ACLY: variants seen among roughly 807,000 people sequenced by gnomAD.
The protein encoded by ACLY is ATP citrate lyase, also known as ATP-citrate synthase.
In ACLY, 41 loss-of-function variants were observed where a neutral mutation model predicts 133.0. The observed-to-expected ratio is 0.31, with a 90% CI of 0.24 to 0.40. The LOEUF is 0.40. Ranked by LOEUF, ACLY falls within the 10% of genes least tolerant of loss-of-function variation. ACLY has a pLI of 1.00. For synonymous variants in ACLY, 495 were observed against 549.3 expected (o/e 0.90, Z 1.38); for missense variants, 1,046 against 1,453.8 (o/e 0.72, Z 4.56).
At chr17:41,923,583 C>T (rs2050207076), upstream of ACLY, among the ~76,000 whole-genome samples, 2 of 152,200 alleles carry the variant, frequency 1.3e-5, no homozygotes. Context: ...CTTTATCTGA[C>T]TGTAAGCAAC....
intron 23 of ACLY, among the ~76,000 whole-genome samples, chr17:41,873,408 T>C (rs1221376331): frequency 1.3e-5 from 2 of 152,192 alleles, no homozygotes; most frequent in Non-Finnish European, 2.9e-5. Flanking sequence ...CTTGAATTCC[T>C]GACCTCAGGT....
intron 4 of ACLY, 122 bp downstream of exon 4, chr17:41,910,100 G>A: frequency 9.9e-7 from 1 of 1,005,808 alleles, no homozygotes; most frequent in Non-Finnish European, 1.5e-6. Flanking sequence ...CCTCAGTGCA[G>A]CTTCAGGGAC....
chr17:41,887,097 C>A (rs2144281427), intron 17 of ACLY, among the ~76,000 whole-genome samples: 1 of 142,768 alleles, frequency 7.0e-6, no homozygotes, highest in East Asian at 2.1e-4. Flanking sequence ...GCACTCCAGC[C>A]TAGGTAACAG....
At chr17:41,908,582 T>C (rs567286666) in intron 6 of ACLY, among the ~76,000 whole-genome samples, 286 of 152,256 alleles carry the variant, frequency 1.9e-3, no homozygotes, top group Admixed American at 2.4e-3. Context: ...TTGGCCAACA[T>C]GGTGAAACCC....
chr17:41,880,670 C>G (rs2048888497), intron 20 of ACLY, among the ~76,000 whole-genome samples: 2 of 151,930 alleles, frequency 1.3e-5, no homozygotes, highest in Non-Finnish European at 2.9e-5. Context: ...TGAGACCATC[C>G]TAGCTAACGG....
rs117391233 is a variant in ACLY at position 41,882,015 on chromosome 17, C to T, written c.2265+1107G>A. Among the ~76,000 whole-genome samples, 962 of 152,226 alleles carry T rather than the reference C, an allele frequency of 6.3e-3. 6 individuals carry two copies. Among genetic ancestry groups the T allele is most frequent in the Non-Finnish European group, 0.01 (712 of 68,022 alleles). On this transcript the variant is annotated intron_variant, in intron 20 of 28. Transcript: ENST00000352035. ...TTCCACCTCCTTCTTTGCATGCCTG[C>T]CCTGTTTTCCATTAGTTTGTGGATA...
rs782387329 is a variant in ACLY at position 41,868,697 on chromosome 17, G to A, written c.3211+12C>T. 6.8e-6 allele frequency: 11 copies of A among 1,608,882 alleles called. No homozygotes were observed. Among genetic ancestry groups the A allele is most frequent in the South Asian group, 1.1e-5 (1 of 90,702 alleles). On this transcript the variant is annotated intron_variant, in intron 28 of 28. Coordinates refer to ENST00000352035, the MANE Select transcript of ACLY (RefSeq NM_001096.3). ...AAAAAAAAACACTTAAAACAACAAC[G>A]AATGGACTCACCAATGAACCCCATA...
At position 41,906,726 on chromosome 17, in the gene ACLY, T is replaced by TCCCTGGAAGCACATGAAAAGGTG. The variant is rs1399807949; in HGVS notation, c.748-103_748-81dup. 3.6e-5 allele frequency: 47 copies of TCCCTGGAAGCACATGAAAAGGTG among 1,288,198 alleles called. No homozygotes were observed. The East Asian group carries it at 1.0e-3, about 29-fold the overall frequency. 79.8% of individuals were successfully genotyped at this position (1,288,198 alleles called of 1,614,324 possible). A position where few individuals can be genotyped will look rare whatever the true frequency, so the allele number is the denominator to read the frequency against. ...CAGATCCTAGGACCCCTCCCCGCTT[T>TCCCTGGAAGCACATGAAAAGGTG]CCCTGGAAGCACATGAAAAGGTGCC... On this transcript the variant is annotated intron_variant, in intron 7 of 28. Coordinates refer to ENST00000352035, the MANE Select transcript of ACLY (RefSeq NM_001096.3).
intron 18 of ACLY, 122 bp from the exon 19 acceptor site, chr17:41,884,396 A>T: frequency 4.4e-6 from 3 of 679,866 alleles, no homozygotes; most frequent in East Asian, 5.2e-5. Context: ...GATGGCCAGT[A>T]AGGGTCCAGA....
chr17:41,897,645 T>C, intron 13 of ACLY, 104 bp downstream of exon 13: 1 of 1,119,618 alleles, frequency 8.9e-7, no homozygotes, highest in Non-Finnish European at 1.3e-6. Flanking sequence ...AAACCGCTGT[T>C]CATCTGCCTC....
chr17:41,901,642 G>C (rs782348382), intron 11 of ACLY, 54 bp downstream of exon 11: 44 of 1,467,272 alleles, frequency 3.0e-5, no homozygotes, highest in Non-Finnish European at 4.0e-5. Flanking sequence ...AAATCCCAAA[G>C]AGGAAGGCCA....
Position 41,918,894 on chromosome 17 carries a change from G to C in ACLY, c.-38C>G, listed in dbSNP as rs997282245. ...CCCGTGCTCACCTCTGCCGAAGTCC[G>C]TGCGCGGCGCTTCTTCCACAGGCCC... On this transcript the variant is annotated 5_prime_UTR_variant, in exon 1 of 29. Coordinates refer to ENST00000352035, the MANE Select transcript of ACLY (RefSeq NM_001096.3). 3 of 1,288,276 alleles carry C rather than the reference G, an allele frequency of 2.3e-6. No individual in the cohort carries two copies. In the Admixed American group the frequency reaches 6.9e-5, roughly 30 times the overall value. The allele number at this position is 1,288,276 out of a possible 1,614,324, so 79.8% of individuals were successfully genotyped here. A position where few individuals can be genotyped will look rare whatever the true frequency, so the allele number is the denominator to read the frequency against.
chr17:41,904,782 G>T lies in ACLY; in HGVS notation c.1012C>A (p.Leu338Ile). 6.2e-7 allele frequency: 1 copy of T among 1,613,940 alleles called. No homozygotes were observed. Among genetic ancestry groups the T allele is most frequent in the Non-Finnish European group, 8.5e-7 (1 of 1,179,866 alleles). ...TTTGCGATGCTGCCTCCAATGATGAGGATCTTGCCTGGATTTGGAGTAAGA... is the reference window on the plus strand; with the variant it reads ...TTTGCGATGCTGCCTCCAATGATGATGATCTTGCCTGGATTTGGAGTAAGA... ...TREKHPDGKI[L>I]IIGGSIANFT... The change falls in exon 10 of 29, where the codon CTC (leucine) becomes ATC (isoleucine). Residue 338 changes from leucine to isoleucine, a missense_variant. Physicochemically the swap from Leu to Ile is conservative, Grantham distance 5. This residue lies in a region of ACLY where 575 missense variants were observed against 804.2 expected (regional missense o/e 0.71). Transcript: ENST00000352035.
At chr17:41,918,981 G>A (rs1306074412), upstream of ACLY, 1 of 1,287,668 alleles carries the variant, frequency 7.8e-7, no homozygotes, top group African/African-American at 1.5e-5. Context: ...TCCGGCTTTT[G>A]TCCCGGCCCA....
chr17:41,909,024 T>C lies in ACLY; in HGVS notation c.581A>G (p.Asp194Gly). 2 of 1,613,400 alleles carry C rather than the reference T, an allele frequency of 1.2e-6. No homozygotes were observed. The highest frequency in any genetic ancestry group is 1.7e-6 in the Non-Finnish European group (2 of 1,179,956). ...FISGLFNFYE[D>G]LYFTYLEINP... ...GATCTCGAGGTAGGTGAAGTACAAG[T>C]CCTCGTAGAAATTGAAGAGGCCGGA... is the stretch of plus-strand genomic sequence containing the variant. The change falls in exon 6 of 29, where the codon GAC becomes GGC. Residue 194 changes from aspartate (D) to glycine (G), a missense_variant. Transcript: ENST00000352035.
chr17:41,882,989 A>G, intron 20 of ACLY, 133 bp downstream of exon 20: 1 of 725,888 alleles, frequency 1.4e-6, no homozygotes, highest in South Asian at 2.0e-5. Flanking sequence ...TGGACTTTGT[A>G]GTAACCAAGC....
Position 41,872,017 on chromosome 17 carries a change from G to A in ACLY, c.2793+15C>T, listed in dbSNP as rs782577207. 6 of 1,613,626 alleles carry A rather than the reference G, an allele frequency of 3.7e-6. No homozygotes were observed. Among genetic ancestry groups the A allele is most frequent in the African/African-American group, 2.7e-5 (2 of 74,912 alleles). On this transcript the variant is annotated intron_variant, in intron 24 of 28. Coordinates refer to ENST00000352035, the MANE Select transcript of ACLY (RefSeq NM_001096.3). ...AGTGTCCCCACTGTTCACCTCCCATGATGACAGTACTTACGATGGTGAGCA... is the reference window on the plus strand; with the variant it reads ...AGTGTCCCCACTGTTCACCTCCCATAATGACAGTACTTACGATGGTGAGCA...
Position 41,900,069 on chromosome 17 carries a change from C to CAAAAAAAA in ACLY, c.1184-1292_1184-1285dup, listed in dbSNP as rs60296550. ...GGGTGACAGAGTGAGACCCTGTCTC[C>CAAAAAAAA]AAAAAAAAAAAAAAAAAAAAAAAAA... On this transcript the variant is annotated intron_variant, in intron 11 of 28. Transcript: ENST00000352035. Among the ~76,000 whole-genome samples the CAAAAAAAA allele has an allele frequency of 5.8e-4, 27 of 46,624 alleles. 4 individuals are homozygous for CAAAAAAAA. Among genetic ancestry groups the CAAAAAAAA allele is most frequent in the African/African-American group, 1.3e-3 (19 of 15,184 alleles). 30.6% of individuals were successfully genotyped at this position (46,624 alleles called of 152,430 possible). A position where few individuals can be genotyped will look rare whatever the true frequency, so the allele number is the denominator to read the frequency against.
chr17:41,926,520 T>C (rs2050245508), intron 1 of ACLY, among the ~76,000 whole-genome samples: 1 of 152,246 alleles, frequency 6.6e-6, no homozygotes, highest in African/African-American at 2.4e-5. Flanking sequence ...TGAAATCTCA[T>C]TCTTGTTCCC....
Sources: allele counts gnomAD v4.1 joint callset (sites outside exome capture counted in the v4.1 genomes callset), GRCh38; gene constraint gnomAD v4.1.1; regional missense constraint gnomAD v4.1.1; transcripts MANE v1.5; gene names NCBI Gene and HGNC (gene_info 2026-07-23, HGNC 2026-07-21).